CLVS1: variants seen among roughly 807,000 people sequenced by gnomAD.
The protein encoded by CLVS1 is clavesin-1.
In CLVS1, 10 loss-of-function variants were observed where a neutral mutation model predicts 33.1. The ratio of observed to expected loss-of-function variants is 0.30; its 90% confidence interval spans 0.19 to 0.51. The LOEUF (loss-of-function observed/expected upper bound fraction) is 0.51. Among genes scored for constraint, CLVS1 ranks in the 20% least tolerant of loss-of-function variants. The pLI is 0.97. For synonymous variants in CLVS1, 163 were observed against 166.1 expected, an observed-to-expected ratio of 0.98 and a Z score of 0.14; for missense variants, 343 against 433.4, an observed-to-expected ratio of 0.79 and a Z score of 1.85.
intron 5 of CLVS1, among the ~76,000 whole-genome samples, chr8:61,475,534 C>T (rs4738893): frequency 0.57 from 86,119 of 152,144 alleles, 27,934 homozygotes; most frequent in Non-Finnish European, 0.72. Context: ...ATTTACATTT[C>T]TCTGACAGTC....
upstream of CLVS1, among the ~76,000 whole-genome samples, chr8:61,054,281 G>C (rs1804435867): frequency 6.6e-6 from 1 of 152,176 alleles, no homozygotes; most frequent in Non-Finnish European, 1.5e-5. Context: ...GGAATCTGGG[G>C]CAAGGTAGGG....
At chr8:61,152,274 G>A (rs1323268239) in intron 2 of CLVS1, among the ~76,000 whole-genome samples, 3 of 152,144 alleles carry the variant, frequency 2.0e-5, no homozygotes. Flanking sequence ...GCACAAGATT[G>A]CTCTTGTATC....
intron 2 of CLVS1, among the ~76,000 whole-genome samples, chr8:61,263,644 A>G (rs1417787076): frequency 6.6e-6 from 1 of 152,222 alleles, no homozygotes; most frequent in Non-Finnish European, 1.5e-5. Flanking sequence ...TGCAAACACT[A>G]TAATGCAGCA....
chr8:61,152,445 G>T (rs995215645), intron 2 of CLVS1, among the ~76,000 whole-genome samples: 1 of 152,194 alleles, frequency 6.6e-6, no homozygotes, highest in African/African-American at 2.4e-5. Context: ...AGTTCTGGAG[G>T]CTGGAAAGTC....
At chr8:61,080,098 A>C (rs1804994980) in intron 1 of CLVS1, among the ~76,000 whole-genome samples, 1 of 152,224 alleles carries the variant, frequency 6.6e-6, no homozygotes, top group African/African-American at 2.4e-5. Flanking sequence ...AATATCGTGA[A>C]TATTCTTCTT....
At chr8:61,489,333 C>T (rs751336128) in intron 5 of CLVS1, among the ~76,000 whole-genome samples, 4 of 152,124 alleles carry the variant, frequency 2.6e-5, no homozygotes, top group Non-Finnish European at 4.4e-5. Context: ...ATTTTTTGTA[C>T]AGTATAGCAC....
the CLVS1 span, among the ~76,000 whole-genome samples, chr8:60,994,337 G>A: frequency 6.6e-6 from 1 of 152,176 alleles, no homozygotes; most frequent in Non-Finnish European, 1.5e-5. Context: ...ACACTCTGAG[G>A]GGGTTAGGAC....
chr8:61,499,381 G>A (rs781200245), intron 5 of CLVS1, 74 bp from the exon 6 acceptor site: 37 of 1,010,144 alleles, frequency 3.7e-5, no homozygotes, highest in Non-Finnish European at 3.0e-5. Context: ...ATAAAATCCG[G>A]ATGTCTTCAA....
At chr8:61,021,102 C>A in the CLVS1 span, among the ~76,000 whole-genome samples, 1 of 152,324 alleles carries the variant, frequency 6.6e-6, no homozygotes, top group African/African-American at 2.4e-5. Flanking sequence ...CATTTCACTC[C>A]TTTCCTGTTC....
At chr8:61,181,851 C>T (rs956841268) in intron 2 of CLVS1, among the ~76,000 whole-genome samples, 1 of 152,044 alleles carries the variant, frequency 6.6e-6, no homozygotes, top group Non-Finnish European at 1.5e-5. Context: ...AGGTGCCCGC[C>T]ACTGTGCCCG....
chr8:61,017,614 G>C, the CLVS1 span, among the ~76,000 whole-genome samples: 4 of 152,388 alleles, frequency 2.6e-5, no homozygotes, highest in East Asian at 5.8e-4. Context: ...AGGATTCATA[G>C]GAAAGCTGCC....
intron 1 of CLVS1, among the ~76,000 whole-genome samples, chr8:61,074,753 G>A (rs1422984490): frequency 3.3e-5 from 5 of 152,006 alleles, no homozygotes; most frequent in Non-Finnish European, 7.4e-5. Flanking sequence ...TGGGGGCAGT[G>A]TAGACAATAA....
At chr8:61,175,717 G>A (rs1189167058) in intron 2 of CLVS1, among the ~76,000 whole-genome samples, 1 of 152,192 alleles carries the variant, frequency 6.6e-6, no homozygotes, top group Non-Finnish European at 1.5e-5. Context: ...ACCACCAGAA[G>A]CTAGGAGAAG....
chr8:61,003,529 G>C, the CLVS1 span, among the ~76,000 whole-genome samples: 1 of 152,168 alleles, frequency 6.6e-6, no homozygotes, highest in Non-Finnish European at 1.5e-5. Flanking sequence ...CCACTGCAAG[G>C]ATAACTGGCA....
chr8:61,234,616 A>G (rs1808517148), intron 2 of CLVS1, among the ~76,000 whole-genome samples: 1 of 152,146 alleles, frequency 6.6e-6, no homozygotes, highest in African/African-American at 2.4e-5. Flanking sequence ...GAATTGGATT[A>G]TCCAATTTTC....
At chr8:61,421,607 C>T (rs568953121) in intron 3 of CLVS1, among the ~76,000 whole-genome samples, 1 of 152,226 alleles carries the variant, frequency 6.6e-6, no homozygotes, top group Non-Finnish European at 1.5e-5. Flanking sequence ...CCCAGCTATA[C>T]CATTCCTAAG....
At chr8:61,158,565 G>T (rs1806692749) in intron 2 of CLVS1, among the ~76,000 whole-genome samples, 1 of 152,136 alleles carries the variant, frequency 6.6e-6, no homozygotes, top group Non-Finnish European at 1.5e-5. Flanking sequence ...AGATAGAGCA[G>T]TGCATAATGA....
chr8:61,090,212 C>T (rs919557561), intron 1 of CLVS1, among the ~76,000 whole-genome samples: 1 of 152,134 alleles, frequency 6.6e-6, no homozygotes, highest in African/African-American at 2.4e-5. Flanking sequence ...GATTTAGAGA[C>T]CTGACGTACC....
At chr8:61,464,555 G>A (rs1011546083) in intron 5 of CLVS1, 5 of 152,242 alleles carry the variant, frequency 3.3e-5, no homozygotes, top group Non-Finnish European at 7.3e-5. Flanking sequence ...CTGCTACAGC[G>A]TTCTGAGGAA....
Sources: allele counts gnomAD v4.1 joint callset (sites outside exome capture counted in the v4.1 genomes callset), GRCh38; gene constraint gnomAD v4.1.1; transcripts MANE v1.5; gene names NCBI Gene and HGNC (gene_info 2026-07-23, HGNC 2026-07-21).